Variants in ABL2 observed in about 807,000 individuals in gnomAD.
The protein encoded by ABL2 is tyrosine-protein kinase ABL2.
ABL2 carries 49 observed loss-of-function variants against 107.7 expected under a neutral mutation model. That is an observed-to-expected ratio of 0.45 (90% CI 0.36 to 0.58). ABL2 has a LOEUF of 0.58. Ranked by LOEUF, ABL2 falls within the 20% of genes least tolerant of loss-of-function variation. The pLI is 0.00. For synonymous variants in ABL2, 549 were observed against 548.6 expected (o/e 1.00, Z -0.01); for missense variants, 1,245 against 1,457.0 (o/e 0.85, Z 2.37).
intron 1 of ABL2, among the ~76,000 whole-genome samples, chr1:179,202,290 TG>T (rs1661717924): frequency 6.6e-6 from 1 of 152,194 alleles, no homozygotes; most frequent in Non-Finnish European, 1.5e-5. Flanking sequence ...GCTAACAATA[TG>T]GAAGTGCTAT....
intron 1 of ABL2, among the ~76,000 whole-genome samples, chr1:179,211,724 G>A (rs902503483): frequency 2.0e-5 from 3 of 151,334 alleles, no homozygotes; most frequent in Non-Finnish European, 2.9e-5. Flanking sequence ...CTGCGAACCC[G>A]GGTGATGGAG....
chr1:179,120,339 T>A, intron 5 of ABL2, 65 bp from the exon 6 acceptor site: 1 of 1,013,714 alleles, frequency 9.9e-7, no homozygotes, highest in Non-Finnish European at 1.5e-6. Context: ...TAAAATCATT[T>A]CATTCATCTC....
chr1:179,204,251 T>C (rs1661832156), intron 1 of ABL2, among the ~76,000 whole-genome samples: 1 of 151,602 alleles, frequency 6.6e-6, no homozygotes, highest in Non-Finnish European at 1.5e-5. Context: ...GATCTCGAAC[T>C]CCTGACCTCA....
chr1:179,124,215 G>T (rs9425472), intron 4 of ABL2, among the ~76,000 whole-genome samples: 134,203 of 150,576 alleles, frequency 0.89, 60,139 homozygotes, highest in East Asian at 1. Context: ...CACTCCAGCC[G>T]GGGCGACACA....
chr1:179,193,591 A>C (rs987188027), intron 1 of ABL2, among the ~76,000 whole-genome samples: 7 of 152,068 alleles, frequency 4.6e-5, no homozygotes, highest in Non-Finnish European at 1.0e-4. Flanking sequence ...TTTTTAGTAG[A>C]GATGGGGTTT....
At chr1:179,226,455 C>T (rs1334001329) in intron 1 of ABL2, among the ~76,000 whole-genome samples, 7 of 151,722 alleles carry the variant, frequency 4.6e-5, no homozygotes, top group South Asian at 2.1e-4. Context: ...ACTACAGGCG[C>T]GTGCCACCAT....
In ABL2 at chr1:179,118,312, A is replaced by G. The variant is rs138175955; in HGVS notation, c.1223+275T>C. ...AAGATCACTTGAGGCCAGTAGTTTG[A>G]GACCAGCCTGGTCAACATAGCAAGA... On this transcript the variant is annotated intron_variant, in intron 7 of 11. Coordinates refer to ENST00000502732, the MANE Select transcript of ABL2 (RefSeq NM_007314.4). 5.5e-3 allele frequency among the ~76,000 whole-genome samples: 832 copies of G among 152,304 alleles called. 8 individuals are homozygous for G. Among genetic ancestry groups the G allele is most frequent in the African/African-American group, 0.019 (784 of 41,576 alleles).
chr1:179,190,495 G>C (rs572851667), intron 1 of ABL2, among the ~76,000 whole-genome samples: 3 of 152,110 alleles, frequency 2.0e-5, no homozygotes, highest in Non-Finnish European at 2.9e-5. Context: ...TCTAGGTTTC[G>C]TGGAAGCTTC....
chr1:179,142,949 A>G (rs370969107), intron 1 of ABL2: 3 of 1,614,186 alleles, frequency 1.9e-6, no homozygotes, highest in Non-Finnish European at 2.5e-6. Flanking sequence ...AGTCGGGTAG[A>G]GCAGATTCTG....
Position 179,103,384 on chromosome 1 carries a change from A to T in ABL2, c.*4334T>A, listed in dbSNP as rs1467371727. 9.8e-6 allele frequency: 2 copies of T among 204,558 alleles called. No individual in the cohort carries two copies. The highest frequency in any genetic ancestry group is 1.5e-4 in the East Asian group (2 of 13,264). The allele number at this position is 204,558 out of a possible 1,614,324, so 12.7% of individuals were successfully genotyped here. A position where few individuals can be genotyped will look rare whatever the true frequency, so the allele number is the denominator to read the frequency against. On this transcript the variant is annotated 3_prime_UTR_variant, in exon 12 of 12. Coordinates refer to ENST00000502732, the MANE Select transcript of ABL2 (RefSeq NM_007314.4). ...TTATCTTTTAAACAGACAATACTAC[A>T]ACCTTATAGTTATATTACAGTTGAT... is the stretch of plus-strand genomic sequence containing the variant.
intron 4 of ABL2, among the ~76,000 whole-genome samples, chr1:179,125,786 A>C (rs1287276327): frequency 6.6e-6 from 1 of 152,220 alleles, no homozygotes; most frequent in Middle Eastern, 3.2e-3. Flanking sequence ...GGAGAATAGA[A>C]GAAATAATTC....
Position 179,184,000 on chromosome 1 carries a change from G to C in ABL2, c.157+45241C>G, listed in dbSNP as rs28914477. The C allele has an allele frequency of 5.1e-3, 1,362 of 266,492 alleles. 15 individuals carry two copies. The highest frequency in any genetic ancestry group is 0.03 in the African/African-American group (1,292 of 43,644). 16.5% of individuals were successfully genotyped at this position (266,492 alleles called of 1,614,324 possible). ...TGAACATATTGATGAAGTACAAAAT[G>C]AAATAGACAGGCTTAATGAACTAAG... On this transcript the variant is annotated intron_variant, in intron 1 of 11. Transcript: ENST00000502732.
Position 179,107,557 on chromosome 1 carries a change from G to T in ABL2, c.*161C>A. The T allele has an allele frequency of 7.2e-7, 1 of 1,381,406 alleles. No homozygotes were observed. Among genetic ancestry groups the T allele is most frequent in the Non-Finnish European group, 9.5e-7 (1 of 1,048,620 alleles). The allele number at this position is 1,381,406 out of a possible 1,614,324, so 85.6% of individuals were successfully genotyped here. A position where few individuals can be genotyped will look rare whatever the true frequency, so the allele number is the denominator to read the frequency against. Reference sequence around the variant, plus strand: ...CTTATGTGGTTTGCTTCTTATTTTTGAGATGAAACTGTAAACGTGAGAACT... The same window carrying T: ...CTTATGTGGTTTGCTTCTTATTTTTTAGATGAAACTGTAAACGTGAGAACT... On this transcript the variant is annotated 3_prime_UTR_variant, in exon 12 of 12. Coordinates refer to ENST00000502732, the MANE Select transcript of ABL2 (RefSeq NM_007314.4).
intron 1 of ABL2, among the ~76,000 whole-genome samples, chr1:179,171,512 A>G (rs1197948002): frequency 6.6e-6 from 1 of 152,244 alleles, no homozygotes; most frequent in African/African-American, 2.4e-5. Context: ...TGACTTTTAA[A>G]GACACAGGGT....
chr1:179,174,236 C>T lies in ABL2; in HGVS notation c.158-40862G>A, dbSNP rs564634818. Among the ~76,000 whole-genome samples the T allele has an allele frequency of 2.4e-4, 36 of 151,354 alleles. No homozygotes were observed. The Middle Eastern group carries it at 0.01, about 43-fold the overall frequency. On this transcript the variant is annotated intron_variant, in intron 1 of 11. Coordinates refer to ENST00000502732, the MANE Select transcript of ABL2 (RefSeq NM_007314.4). ...CCAAGAGGTGGAGGCTGCAGTGAGC[C>T]GAGATCGTGCCACTGCACTCCAGCC... is the stretch of plus-strand genomic sequence containing the variant.
chr1:179,207,878 ACACT>A (rs902941542), intron 1 of ABL2, among the ~76,000 whole-genome samples: 11 of 152,200 alleles, frequency 7.2e-5, no homozygotes, highest in Non-Finnish European at 1.3e-4. Flanking sequence ...GTCACAGAAA[ACACT>A]CAATCAGAAA....
Position 179,117,428 on chromosome 1 carries a change from T to C in ABL2, c.1312A>G (p.Thr438Ala). Residue 438 changes from threonine (T) to alanine (A), a missense_variant, in exon 8 of 12, where the codon ACT becomes GCT. By Grantham distance (58) the Thr-to-Ala change is moderately conservative. Transcript: ENST00000502732. ...TTGGCTCCAGCATGAGCAGTATAAGTGTCTCCAGTCATCAATCTACTTAAG... is the reference window on the plus strand; with the variant it reads ...TTGGCTCCAGCATGAGCAGTATAAGCGTCTCCAGTCATCAATCTACTTAAG... The part of the protein sequence containing the change: ...FGLSRLMTGD[T>A]YTAHAGAKFP... The C allele has an allele frequency of 6.2e-7, 1 of 1,614,194 alleles. No homozygotes were observed. Among genetic ancestry groups the C allele is most frequent in the Admixed American group, 1.7e-5 (1 of 60,022 alleles).
At chr1:179,184,770 T>TC (rs1281494580) in intron 1 of ABL2, among the ~76,000 whole-genome samples, 1 of 152,146 alleles carries the variant, frequency 6.6e-6, no homozygotes, top group Non-Finnish European at 1.5e-5. Context: ...GTCTTTTTTT[T>TC]CCCCCTCTTG....
intron 3 of ABL2, among the ~76,000 whole-genome samples, chr1:179,130,565 T>C (rs1177582591): frequency 1.3e-5 from 2 of 152,152 alleles, no homozygotes; most frequent in Admixed American, 6.5e-5. Flanking sequence ...TAAATGTCTA[T>C]TGTTTGTGTT....
Sources: allele counts gnomAD v4.1 joint callset (sites outside exome capture counted in the v4.1 genomes callset), GRCh38; gene constraint gnomAD v4.1.1; transcripts MANE v1.5; gene names NCBI Gene and HGNC (gene_info 2026-07-23, HGNC 2026-07-21).